TMEM132D: variants seen among roughly 807,000 people sequenced by gnomAD.
TMEM132D encodes transmembrane protein 132D, also known as mature OL transmembrane protein.
TMEM132D carries 21 observed loss-of-function variants against 62.3 expected under a neutral mutation model. The ratio of observed to expected loss-of-function variants is 0.34; its 90% CI spans 0.24 to 0.49. TMEM132D has a LOEUF of 0.49. TMEM132D is among the 20% of genes least tolerant of loss of function. TMEM132D has a pLI of 0.99. For synonymous variants in TMEM132D, 621 were observed against 575.6 expected (o/e 1.08, Z -1.13); for missense variants, 1,346 against 1,402.8 (o/e 0.96, Z 0.65).
intron 3 of TMEM132D, among the ~76,000 whole-genome samples, chr12:129,488,565 T>G (rs2137058502): frequency 6.6e-6 from 1 of 152,158 alleles, no homozygotes; most frequent in Admixed American, 6.5e-5. Context: ...TCCTGGCTAC[T>G]TGGAAGGCTG....
chr12:129,268,618 A>T (rs1593317367), intron 4 of TMEM132D, among the ~76,000 whole-genome samples: 1 of 152,158 alleles, frequency 6.6e-6, no homozygotes, highest in Non-Finnish European at 1.5e-5. Flanking sequence ...ATTGTGGAAG[A>T]CAGTGTGGCG....
intron 5 of TMEM132D, among the ~76,000 whole-genome samples, chr12:129,132,468 G>T (rs1011347130): frequency 2.0e-5 from 3 of 152,184 alleles, no homozygotes; most frequent in African/African-American, 7.2e-5. Context: ...GTGAACACTT[G>T]AGATCTACTC....
intron 1 of TMEM132D, among the ~76,000 whole-genome samples, chr12:129,739,362 G>A (rs927702990): frequency 5.3e-5 from 8 of 152,312 alleles, no homozygotes; most frequent in African/African-American, 7.2e-5. Flanking sequence ...AAGGCAAGGC[G>A]AGGGGATGGA....
chr12:129,440,608 C>T (rs1306162921), intron 3 of TMEM132D, among the ~76,000 whole-genome samples: 2 of 152,156 alleles, frequency 1.3e-5, no homozygotes, highest in African/African-American at 4.8e-5. Context: ...TTGGAGGTGA[C>T]TTGTGGATGG....
At chr12:129,707,307 C>T (rs1593128564) in intron 1 of TMEM132D, among the ~76,000 whole-genome samples, 1 of 140,106 alleles carries the variant, frequency 7.1e-6, no homozygotes, top group Admixed American at 6.8e-5. Flanking sequence ...ACAAATCATA[C>T]ATTTATAGTA....
chr12:129,318,198 C>T lies in TMEM132D; in HGVS notation c.1299+19436G>A, dbSNP rs189521135. 3.5e-4 allele frequency among the ~76,000 whole-genome samples: 53 copies of T among 152,148 alleles called. No homozygotes were observed. In the East Asian group the frequency reaches 9.7e-3, roughly 28 times the overall value. ...ATTGCTGGTGAACTAGCATGATTTT[C>T]GAAGGGGTATTGAAGAGCCTTGTTT... On this transcript the variant is annotated intron_variant, in intron 4 of 8. Transcript: ENST00000422113.
At chr12:129,670,934 C>T (rs1257818174) in intron 2 of TMEM132D, among the ~76,000 whole-genome samples, 1 of 152,152 alleles carries the variant, frequency 6.6e-6, no homozygotes, top group Admixed American at 6.5e-5. Flanking sequence ...TATTTACATT[C>T]AGCAGAAGTT....
chr12:129,360,872 G>A (rs1184450950), intron 3 of TMEM132D, among the ~76,000 whole-genome samples: 2 of 152,170 alleles, frequency 1.3e-5, no homozygotes, highest in Non-Finnish European at 2.9e-5. Context: ...AAGGTGGCTT[G>A]TTGAGCCTGT....
In TMEM132D at chr12:129,515,896, T is replaced by G. The variant is rs1593046740; in HGVS notation, c.1115+15163A>C. Among the ~76,000 whole-genome samples, 4 of 152,224 alleles carry G rather than the reference T, an allele frequency of 2.6e-5. No individual in the cohort carries two copies. In the South Asian group the frequency reaches 8.3e-4, roughly 32 times the overall value. On this transcript the variant is annotated intron_variant, in intron 3 of 8. Transcript: ENST00000422113. ...CTCCCGTGACATGTAAAACCTTGGT[T>G]AAATAAATTCGTTATGCTTTTCTCT...
At chr12:129,614,427 C>G (rs1265480130) in intron 2 of TMEM132D, among the ~76,000 whole-genome samples, 1 of 152,160 alleles carries the variant, frequency 6.6e-6, no homozygotes, top group Non-Finnish European at 1.5e-5. Flanking sequence ...CTGGGTCACC[C>G]TGAGTTCATT....
intron 5 of TMEM132D, 176 bp from the exon 6 acceptor site, chr12:129,084,878 T>C (rs1194679036): frequency 1.7e-6 from 1 of 602,330 alleles, no homozygotes; most frequent in Non-Finnish European, 2.9e-6. Flanking sequence ...TTTTGAGTAA[T>C]AATAGCAGAC....
In TMEM132D at chr12:129,191,763, G is replaced by A. The variant is rs1011893684; in HGVS notation, c.1443+17757C>T. Among the ~76,000 whole-genome samples the A allele has an allele frequency of 1.3e-3, 187 of 148,812 alleles. 1 individual carries two copies. The highest frequency in any genetic ancestry group is 4.3e-3 in the African/African-American group (172 of 40,246). On this transcript the variant is annotated intron_variant, in intron 5 of 8. Transcript: ENST00000422113. ...ATATAATGAACCATACACACACACA[G>A]AACACACACACACACATACACACAC...
chr12:129,131,193 G>T (rs1276576156), intron 5 of TMEM132D, among the ~76,000 whole-genome samples: 5 of 152,222 alleles, frequency 3.3e-5, no homozygotes, highest in Non-Finnish European at 5.9e-5. Flanking sequence ...GTATGCATAA[G>T]TATGTATGCA....
At chr12:129,208,540 T>C (rs1233402380) in intron 5 of TMEM132D, 1 of 152,246 alleles carries the variant, frequency 6.6e-6, no homozygotes, top group Non-Finnish European at 1.5e-5. Flanking sequence ...ATTTGTTGAC[T>C]GCGTTTTAAG....
At chr12:129,156,861 T>C (rs4964868) in intron 5 of TMEM132D, among the ~76,000 whole-genome samples, 93,665 of 151,956 alleles carry the variant, frequency 0.62, 29,329 homozygotes, top group Non-Finnish European at 0.67. Flanking sequence ...AAGCCACTTC[T>C]GAGATATTAA....
chr12:129,711,664 T>C (rs1173763179), intron 1 of TMEM132D, among the ~76,000 whole-genome samples: 7 of 149,668 alleles, frequency 4.7e-5, no homozygotes, highest in Non-Finnish European at 1.5e-5. Flanking sequence ...GAAGTGGAGG[T>C]TGGAGTGAGC....
At chr12:129,327,687 C>T (rs11060248) in intron 4 of TMEM132D, among the ~76,000 whole-genome samples, 40,724 of 152,090 alleles carry the variant, frequency 0.27, 6,207 homozygotes, top group South Asian at 0.36. Context: ...TTATCTTCAC[C>T]ATCCCCATCA....
At chr12:129,538,792 G>A (rs1358686212) in intron 2 of TMEM132D, among the ~76,000 whole-genome samples, 1 of 152,108 alleles carries the variant, frequency 6.6e-6, no homozygotes, top group Non-Finnish European at 1.5e-5. Flanking sequence ...ACTGGCACAG[G>A]CCCTGTGATG....
At chr12:129,377,471 C>T (rs1234510937) in intron 3 of TMEM132D, among the ~76,000 whole-genome samples, 2 of 152,152 alleles carry the variant, frequency 1.3e-5, no homozygotes, top group Non-Finnish European at 1.5e-5. Context: ...TTGAAAAAAG[C>T]ATATGCAATA....
Sources: gnomAD v4.1 joint callset for allele counts (sites outside exome capture counted in the v4.1 genomes callset) on GRCh38, gnomAD v4.1.1 for gene constraint, MANE v1.5 for transcripts, NCBI Gene and HGNC (gene_info 2026-07-23, HGNC 2026-07-21) for gene names.